Variants in RALGPS2 observed in about 807,000 individuals in gnomAD.
RALGPS2 encodes ras-specific guanine nucleotide-releasing factor RalGPS2.
RALGPS2 carries 43 observed loss-of-function variants against 86.8 expected under a neutral mutation model. That is an observed-to-expected ratio of 0.50 (90% CI 0.39 to 0.64). RALGPS2 has a LOEUF of 0.64. Among genes scored for constraint, RALGPS2 ranks in the 30% least tolerant of loss-of-function variants. The probability of loss-of-function intolerance (pLI) is 0.00; values close to 1 mark genes in which losing one functional copy is unlikely to be tolerated. For synonymous variants in RALGPS2, 243 were observed against 231.3 expected (o/e 1.05, Z -0.46); for missense variants, 536 against 694.6 (o/e 0.77, Z 2.57).
chr1:178,760,944 G>A (rs1448716599), intron 1 of RALGPS2, among the ~76,000 whole-genome samples: 1 of 149,202 alleles, frequency 6.7e-6, no homozygotes, highest in Non-Finnish European at 1.5e-5. Flanking sequence ...GATTCGGTCA[G>A]TTTACATAAT....
intron 17 of RALGPS2, 99 bp downstream of exon 17, chr1:178,897,855 C>T: frequency 3.2e-6 from 3 of 937,766 alleles, no homozygotes; most frequent in South Asian, 1.8e-5. Flanking sequence ...TTTGGGTTTG[C>T]CTTGTTTTTT....
chr1:178,846,864 C>T (rs1288439022), intron 8 of RALGPS2, among the ~76,000 whole-genome samples: 3 of 152,158 alleles, frequency 2.0e-5, no homozygotes, highest in Non-Finnish European at 2.9e-5. Context: ...TTATTCAACA[C>T]TTAGGCCTAT....
intron 5 of RALGPS2, among the ~76,000 whole-genome samples, chr1:178,810,921 G>T (rs1456714331): frequency 2.0e-5 from 3 of 151,918 alleles, no homozygotes; most frequent in African/African-American, 4.8e-5. Context: ...AAACTATTCA[G>T]AGTAGAGCAT....
intron 7 of RALGPS2, among the ~76,000 whole-genome samples, chr1:178,823,230 AAAT>A (rs1489509387): frequency 1.3e-5 from 2 of 152,234 alleles, no homozygotes; most frequent in African/African-American, 4.8e-5. Context: ...TTTTTGTGGA[AAAT>A]AATAATTTTT....
At chr1:178,756,852 A>C (rs1402384940) in intron 1 of RALGPS2, among the ~76,000 whole-genome samples, 1 of 152,108 alleles carries the variant, frequency 6.6e-6, no homozygotes, top group Non-Finnish European at 1.5e-5. Context: ...TATCAAGGTG[A>C]TGCTGGCTTC....
intron 4 of RALGPS2, among the ~76,000 whole-genome samples, chr1:178,788,853 T>C (rs544440025): frequency 6.3e-5 from 9 of 143,526 alleles, no homozygotes; most frequent in Middle Eastern, 3.5e-3. Context: ...TTCTTTTCTT[T>C]TCTTTTCTTT....
chr1:178,799,752 C>G (rs1654382534), intron 4 of RALGPS2, among the ~76,000 whole-genome samples: 2 of 152,092 alleles, frequency 1.3e-5, no homozygotes, highest in South Asian at 4.2e-4. Flanking sequence ...GCTCATTACA[C>G]TCAGTACTTT....
intron 7 of RALGPS2, among the ~76,000 whole-genome samples, chr1:178,824,407 C>T (rs1051546630): frequency 1.3e-5 from 2 of 151,964 alleles, no homozygotes; most frequent in Non-Finnish European, 2.9e-5. Context: ...TGGCAATAAT[C>T]TAGTAGAACT....
intron 8 of RALGPS2, among the ~76,000 whole-genome samples, chr1:178,871,390 C>T (rs1558163850): frequency 6.6e-6 from 1 of 152,094 alleles, no homozygotes; most frequent in African/African-American, 2.4e-5. Flanking sequence ...CTCCACTTCA[C>T]TTAGAAGTAG....
chr1:178,739,766 A>G (rs1212419677), intron 1 of RALGPS2, among the ~76,000 whole-genome samples: 2 of 152,218 alleles, frequency 1.3e-5, no homozygotes, highest in African/African-American at 4.8e-5. Flanking sequence ...AAGGTTTTTA[A>G]AGATAACCAC....
At chr1:178,756,284 T>G (rs747927639) in intron 1 of RALGPS2, among the ~76,000 whole-genome samples, 1 of 152,214 alleles carries the variant, frequency 6.6e-6, no homozygotes, top group African/African-American at 2.4e-5. Context: ...AGGGTTCTTA[T>G]AATTTTAGGT....
rs758094415 is a variant in RALGPS2, at chr1:178,916,397, A to G, written c.*38A>G. 2.5e-6 allele frequency: 4 copies of G among 1,571,190 alleles called. No homozygotes were observed. Among genetic ancestry groups the G allele is most frequent in the South Asian group, 1.1e-5 (1 of 88,834 alleles). ...AAAAGAGAGGTGAACTGTTGCTTCT[A>G]CGTGAGCATGAGGACCTGATAAAAG... On this transcript the variant is annotated 3_prime_UTR_variant, in exon 20 of 20. Transcript: ENST00000367635.
At chr1:178,908,347 G>A (rs115070076) in intron 19 of RALGPS2, among the ~76,000 whole-genome samples, 6,890 of 152,244 alleles carry the variant, frequency 0.045, 160 homozygotes, top group Non-Finnish European at 0.057. Flanking sequence ...TGACAGGCAC[G>A]TAGGTTGATT....
intron 4 of RALGPS2, 57 bp downstream of exon 4, chr1:178,785,664 A>G (rs909390895): frequency 1.3e-6 from 2 of 1,517,642 alleles, no homozygotes; most frequent in Admixed American, 2.3e-5. Context: ...TCTCAAATTA[A>G]GTGTTTTAGA....
intron 1 of RALGPS2, among the ~76,000 whole-genome samples, chr1:178,735,266 C>CGT (rs1267695788): frequency 6.6e-6 from 1 of 152,054 alleles, no homozygotes; most frequent in East Asian, 1.9e-4. Flanking sequence ...TCCATGAAGT[C>CGT]ATACTCCATG....
chr1:178,763,296 A>G (rs924348515), intron 1 of RALGPS2, among the ~76,000 whole-genome samples: 3 of 151,848 alleles, frequency 2.0e-5, no homozygotes, highest in African/African-American at 7.3e-5. Flanking sequence ...CTGCTTTGTT[A>G]TTTTTGCTTA....
chr1:178,802,286 A>G (rs970828353), intron 4 of RALGPS2, among the ~76,000 whole-genome samples: 1 of 152,208 alleles, frequency 6.6e-6, no homozygotes, highest in Non-Finnish European at 1.5e-5. Flanking sequence ...ATAAGTTTAC[A>G]TAGTCTGTTT....
At chr1:178,909,759 C>T (rs1228275961) in intron 19 of RALGPS2, among the ~76,000 whole-genome samples, 1 of 149,120 alleles carries the variant, frequency 6.7e-6, no homozygotes, top group Non-Finnish European at 1.5e-5. Context: ...AAGCGATTCT[C>T]CTGCCTCAGT....
intron 6 of RALGPS2, 110 bp from the exon 7 acceptor site, chr1:178,821,502 T>C (rs1022364307): frequency 1.7e-5 from 13 of 757,500 alleles, no homozygotes; most frequent in South Asian, 8.6e-5. Flanking sequence ...ATGAAGGTAA[T>C]ATATGCTGGA....
Sources: allele counts gnomAD v4.1 joint callset (sites outside exome capture counted in the v4.1 genomes callset), GRCh38; gene constraint gnomAD v4.1.1; transcripts MANE v1.5; gene names NCBI Gene and HGNC (gene_info 2026-07-23, HGNC 2026-07-21).